The following FLNB variants were observed in gnomAD, a reference collection of about 807,000 sequenced individuals.
The protein encoded by FLNB is filamin-B.
Under a neutral mutation model 250.6 loss-of-function variants are expected in FLNB, and 111 were observed. That is an observed-to-expected ratio of 0.44 (90% CI 0.38 to 0.52). FLNB has a LOEUF of 0.52. FLNB is among the 20% of genes least tolerant of loss of function. The pLI is 0.00. For synonymous variants in FLNB, 1,302 were observed against 1,372.1 expected (o/e 0.95, Z 1.13); for missense variants, 2,869 against 3,447.8 (o/e 0.83, Z 4.20).
At chr3:58,121,649 T>G in intron 20 of FLNB, 146 bp downstream of exon 20, 1 of 1,011,904 alleles carries the variant, frequency 9.9e-7, no homozygotes, top group Non-Finnish European at 1.5e-6. Flanking sequence ...GTCCCCTGGG[T>G]AGGTGGGTCA....
intron 24 of FLNB, 134 bp from the exon 25 acceptor site, chr3:58,130,607 C>A: frequency 1.3e-6 from 1 of 786,234 alleles, no homozygotes; most frequent in Non-Finnish European, 2.2e-6. Context: ...GAGCAGTGCA[C>A]ACAGTGAGGC....
chr3:58,132,175 C>T (rs1219830020), intron 25 of FLNB: 3 of 624,608 alleles, frequency 4.8e-6, no homozygotes, highest in Non-Finnish European at 5.7e-6. Context: ...TTGACTGTCA[C>T]GTTGGAAGCT....
intron 15 of FLNB, 21 bp from the exon 16 acceptor site, chr3:58,109,988 CT>C: frequency 1.9e-6 from 3 of 1,613,888 alleles, no homozygotes; most frequent in Non-Finnish European, 1.7e-6. Context: ...TAAGCTGGTG[CT>C]AATAAGCTGG....
intron 25 of FLNB, chr3:58,131,930 A>G (rs2097308130): frequency 2.6e-6 from 4 of 1,536,546 alleles, no homozygotes; most frequent in Non-Finnish European, 1.7e-6. Context: ...ATTTTAGCTG[A>G]CGACACGGAT....
In FLNB at chr3:58,104,148, G is replaced by A. The variant is rs1361539549; in HGVS notation, c.1610+63G>A. The A allele has an allele frequency of 1.9e-6, 3 of 1,583,330 alleles. No individual in the cohort carries two copies. In the East Asian group the frequency reaches 6.7e-5, roughly 36 times the overall value. ...TGCTCGGCCCAGGGCGGACTCATGG[G>A]TAGTTGCTTCCCGGGCTGCAGGAGG... On this transcript the variant is annotated intron_variant, in intron 10 of 45. Coordinates refer to ENST00000295956, the MANE Select transcript of FLNB (RefSeq NM_001457.4).
rs145014619 is a variant in FLNB at position 58,029,890 on chromosome 3, C to T, written c.292+21034C>T. On this transcript the variant is annotated intron_variant, in intron 1 of 45. Transcript: ENST00000295956. ...TGAGTGTACATGCTTTCTCTGAGGC[C>T]TCCGTCCTCACTGCTCTCATCTATA... Among the ~76,000 whole-genome samples, 456 of 152,230 alleles carry T rather than the reference C, an allele frequency of 3.0e-3. 4 individuals carry two copies. The highest frequency in any genetic ancestry group is 0.011 in the African/African-American group (437 of 41,530).
intron 1 of FLNB, among the ~76,000 whole-genome samples, chr3:58,038,852 T>C (rs2097141915): frequency 1.3e-5 from 2 of 152,116 alleles, no homozygotes; most frequent in African/African-American, 2.4e-5. Flanking sequence ...ACCCAGTGCA[T>C]AGAAGAGATA....
At chr3:58,040,254 C>T (rs561072723) in intron 1 of FLNB, among the ~76,000 whole-genome samples, 1 of 152,320 alleles carries the variant, frequency 6.6e-6, no homozygotes, top group African/African-American at 2.4e-5. Context: ...TACACCCTGA[C>T]CCAGCGAGCC....
At chr3:58,131,908 AAC>A (rs1277462487) in intron 25 of FLNB, 7 of 1,518,396 alleles carry the variant, frequency 4.6e-6, no homozygotes, top group Non-Finnish European at 6.2e-6. Context: ...ACTCTCAAGT[AAC>A]AGCCTTTTGA....
At chr3:58,071,025 G>A (rs1232695328) in intron 1 of FLNB, among the ~76,000 whole-genome samples, 1 of 150,416 alleles carries the variant, frequency 6.6e-6, no homozygotes, top group Non-Finnish European at 1.5e-5. Context: ...ATGGTTCACT[G>A]CAGCCTCGAT....
rs78532164 is a variant in FLNB at position 58,157,103 on chromosome 3, C to T, written c.6888+1028C>T. 1.6e-4 allele frequency among the ~76,000 whole-genome samples: 24 copies of T among 152,316 alleles called. No individual in the cohort carries two copies. In the East Asian group the frequency reaches 3.5e-3, roughly 22 times the overall value. ...TACCAGGAGATGCAACATTTTTCCT[C>T]GTCCTAAACAGGTCACTTAATTCAA... On this transcript the variant is annotated intron_variant, in intron 41 of 45. Coordinates refer to ENST00000295956, the MANE Select transcript of FLNB (RefSeq NM_001457.4).
Position 58,121,302 on chromosome 3 carries a change from G to A in FLNB, c.2925G>A (p.Gly975=). 6.2e-7 allele frequency: 1 copy of A among 1,614,216 alleles called. No homozygotes were observed. Among genetic ancestry groups the A allele is most frequent in the Non-Finnish European group, 8.5e-7 (1 of 1,180,042 alleles). ...TVDTRGAGGQ[G]KLDVTILSPS... is the part of the protein sequence containing the mutation. ...ATACCAGGGGGGCAGGAGGCCAGGG[G>A]AAGCTGGACGTGACAATCCTCAGCC... is the stretch of plus-strand genomic sequence containing the variant. Residue 975 remains glycine (G), a synonymous_variant, in exon 20 of 46, where the codon GGG becomes GGA. Coordinates refer to ENST00000295956, the MANE Select transcript of FLNB (RefSeq NM_001457.4).
chr3:58,027,805 A>G (rs2106743329), intron 1 of FLNB, among the ~76,000 whole-genome samples: 1 of 152,348 alleles, frequency 6.6e-6, no homozygotes, highest in Admixed American at 6.5e-5. Flanking sequence ...CACTTGTAAA[A>G]CAAATGTATT....
rs528555050 is a variant in FLNB, at chr3:58,008,470, C to G, written c.-95C>G. The G allele has an allele frequency of 1.4e-3, 1,981 of 1,436,968 alleles. 2 individuals are homozygous for G. The highest frequency in any genetic ancestry group is 1.9e-3 in the Admixed American group (98 of 50,846). 89.0% of individuals were successfully genotyped at this position (1,436,968 alleles called of 1,614,324 possible). On this transcript the variant is annotated 5_prime_UTR_variant, in exon 1 of 46. Transcript: ENST00000295956. ...GGTAGCAGCAAGTTCGAACCCCGCT[C>G]CCGCTCCGCTTCGGTTCTCGCTCCT... is the stretch of plus-strand genomic sequence containing the variant.
intron 39 of FLNB, 45 bp from the exon 40 acceptor site, chr3:58,154,746 G>A: frequency 6.2e-7 from 1 of 1,607,890 alleles, no homozygotes; most frequent in African/African-American, 1.3e-5. Context: ...AGGGACAGGG[G>A]CTCTGTGGGG....
At position 58,123,193 on chromosome 3, in the gene FLNB, C is replaced by T. The variant is rs774134111; in HGVS notation, c.3227C>T (p.Thr1076Met). 3.7e-6 allele frequency: 6 copies of T among 1,613,762 alleles called. No homozygotes were observed. The highest frequency in any genetic ancestry group is 1.7e-5 in the Admixed American group (1 of 60,000). Residue 1076 changes from threonine (T) to methionine (M), a missense_variant, in exon 21 of 46, where the codon ACG becomes ATG. Coordinates refer to ENST00000295956, the MANE Select transcript of FLNB (RefSeq NM_001457.4). ...KGAGTGGLGL[T>M]VEGPCEAKIE... ...GCTGGTACTGGAGGTCTGGGCTTAA[C>T]GGTGGAAGGTCCGTGCGAGGCCAAA...
Position 58,143,492 on chromosome 3 carries a change from T to C in FLNB, c.5304T>C (p.Ser1768=), listed in dbSNP as rs2097330671. 3 of 1,614,170 alleles carry C rather than the reference T, an allele frequency of 1.9e-6. No homozygotes were observed. The highest frequency in any genetic ancestry group is 2.5e-6 in the Non-Finnish European group (3 of 1,180,032). The change falls in exon 32 of 46, where the codon TCT becomes TCC. Residue 1768 remains serine (S), a synonymous_variant. Transcript: ENST00000295956. ...CCATAGGAGAGGTCCACATGCCTTC[T>C]GGGAAGACAGCCACACCTGAGATTG... ...GEITGEVHMP[S]GKTATPEIVD... is the part of the protein sequence containing the mutation.
chr3:58,144,038 G>T (rs534818520), intron 32 of FLNB, among the ~76,000 whole-genome samples: 2 of 152,332 alleles, frequency 1.3e-5, no homozygotes, highest in East Asian at 3.9e-4. Flanking sequence ...TACAAGGGAA[G>T]CCAGCCCAGG....
intron 1 of FLNB, among the ~76,000 whole-genome samples, chr3:58,016,629 T>C (rs191736953): frequency 6.4e-4 from 98 of 152,296 alleles, no homozygotes; most frequent in Middle Eastern, 3.4e-3. Flanking sequence ...GATTATCTTA[T>C]GTCCCCTTGG....
Sources: allele counts gnomAD v4.1 joint callset (sites outside exome capture counted in the v4.1 genomes callset), GRCh38; gene constraint gnomAD v4.1.1; transcripts MANE v1.5; gene names NCBI Gene and HGNC (gene_info 2026-07-23, HGNC 2026-07-21).